The following RSBN1L variants were observed in gnomAD, a reference collection of about 807,000 sequenced individuals.
The protein encoded by RSBN1L is round spermatid basic protein 1 like.
RSBN1L carries 30 observed loss-of-function variants against 67.7 expected under a neutral mutation model. That is an observed-to-expected ratio of 0.44 (90% CI 0.33 to 0.60). The LOEUF (loss-of-function observed/expected upper bound fraction) is 0.60. Ranked by LOEUF, RSBN1L falls within the 20% of genes least tolerant of loss-of-function variation. RSBN1L has a pLI of 0.02. For missense variants in RSBN1L, 992 were observed against 1,031.7 expected, an observed-to-expected ratio of 0.96 and a Z score of 0.53; for synonymous variants, 433 against 387.0, an observed-to-expected ratio of 1.12 and a Z score of -1.39.
chr7:77,751,443 A>G (rs1239860141), intron 3 of RSBN1L, among the ~76,000 whole-genome samples: 1 of 152,162 alleles, frequency 6.6e-6, no homozygotes, highest in Non-Finnish European at 1.5e-5. Context: ...CCCGGCCTGG[A>G]AAATAATTTT....
At chr7:77,777,791 G>A (rs1791936395) in intron 6 of RSBN1L, among the ~76,000 whole-genome samples, 1 of 151,924 alleles carries the variant, frequency 6.6e-6, no homozygotes, top group Non-Finnish European at 1.5e-5. Flanking sequence ...AAGAATTTGA[G>A]AGTTTTTTAG....
At chr7:77,755,570 G>A (rs1791606213) in intron 3 of RSBN1L, among the ~76,000 whole-genome samples, 1 of 152,132 alleles carries the variant, frequency 6.6e-6, no homozygotes, top group Admixed American at 6.5e-5. Context: ...GGAGGCTGAG[G>A]CAGGAAGAAT....
At chr7:77,719,820 A>G (rs1028778113) in intron 1 of RSBN1L, among the ~76,000 whole-genome samples, 5 of 152,200 alleles carry the variant, frequency 3.3e-5, no homozygotes, top group Admixed American at 2.6e-4. Flanking sequence ...GTTGGAGTGC[A>G]GTGGTGTGAT....
chr7:77,721,338 T>C (rs948503330), intron 1 of RSBN1L, among the ~76,000 whole-genome samples: 2 of 152,134 alleles, frequency 1.3e-5, no homozygotes, highest in Non-Finnish European at 2.9e-5. Flanking sequence ...GAAACTTCAT[T>C]CACATTGAGC....
At chr7:77,733,990 G>A (rs1408377964) in intron 1 of RSBN1L, among the ~76,000 whole-genome samples, 3 of 152,308 alleles carry the variant, frequency 2.0e-5, no homozygotes, top group South Asian at 2.1e-4. Context: ...AGCCGAGTGC[G>A]ATGGCGTGTG....
At chr7:77,740,567 C>T (rs1791394916) in intron 2 of RSBN1L, among the ~76,000 whole-genome samples, 1 of 151,870 alleles carries the variant, frequency 6.6e-6, no homozygotes. Context: ...TACTTTTTTC[C>T]TATATGTAAT....
chr7:77,754,594 T>A (rs921779992), intron 3 of RSBN1L, among the ~76,000 whole-genome samples: 4 of 152,202 alleles, frequency 2.6e-5, no homozygotes, highest in African/African-American at 9.6e-5. Context: ...TTAACATTCA[T>A]CCTGAGAAAC....
In RSBN1L at chr7:77,696,508, C is replaced by G. The variant is rs762523862; in HGVS notation, c.39C>G (p.Ala13=). 5 of 1,613,406 alleles carry G rather than the reference C, an allele frequency of 3.1e-6. No individual in the cohort carries two copies. The highest frequency in any genetic ancestry group is 4.2e-6 in the Non-Finnish European group (5 of 1,179,806). ...CGAGCCCCGTGCACTGTGTCGCTGC[C>G]GCGGCCCCCACCGCCACCGTCTCGG... is the stretch of plus-strand genomic sequence containing the variant. ...EPPSPVHCVA[A]AAPTATVSEK... Residue 13 remains alanine (A), a synonymous_variant, in exon 1 of 8, where the codon GCC becomes GCG. Coordinates refer to ENST00000334955, the MANE Select transcript of RSBN1L (RefSeq NM_198467.3).
rs561292383 is a variant in RSBN1L, at chr7:77,782,043, G to A, written c.*2875G>A. 1.3e-4 allele frequency: 19 copies of A among 151,274 alleles called. No individual in the cohort carries two copies. The highest frequency in any genetic ancestry group is 2.1e-4 in the Non-Finnish European group (14 of 67,962). 9.4% of individuals were successfully genotyped at this position (151,274 alleles called of 1,614,324 possible). ...AAATCAGTGGGCTCAAGATTTGCAG[G>A]TACAGCCTTGTTAATGCCTTCAATA... On this transcript the variant is annotated 3_prime_UTR_variant, in exon 8 of 8. Coordinates refer to ENST00000334955, the MANE Select transcript of RSBN1L (RefSeq NM_198467.3).
chr7:77,742,180 A>AAACAC (rs1554340015), intron 2 of RSBN1L, among the ~76,000 whole-genome samples: 6 of 82,176 alleles, frequency 7.3e-5, no homozygotes, highest in African/African-American at 1.8e-4. Flanking sequence ...AAAAAAAAAA[A>AAACAC]ATACACACAC....
At chr7:77,756,501 G>A (rs1405822901) in intron 3 of RSBN1L, among the ~76,000 whole-genome samples, 1 of 152,128 alleles carries the variant, frequency 6.6e-6, no homozygotes, top group Admixed American at 6.6e-5. Context: ...TTATAGCTGG[G>A]TGTGGTGGCT....
At chr7:77,713,796 G>A (rs1170120677) in intron 1 of RSBN1L, among the ~76,000 whole-genome samples, 1 of 151,856 alleles carries the variant, frequency 6.6e-6, no homozygotes, top group Non-Finnish European at 1.5e-5. Flanking sequence ...GAGCCACCTC[G>A]CCTGGCTCTT....
chr7:77,770,035 G>A (rs1791825816), intron 5 of RSBN1L, among the ~76,000 whole-genome samples: 1 of 152,184 alleles, frequency 6.6e-6, no homozygotes, highest in South Asian at 2.1e-4. Context: ...CTGAATGCCT[G>A]TCAGTAGGGG....
chr7:77,774,274 A>G (rs1791883272), intron 6 of RSBN1L, among the ~76,000 whole-genome samples: 1 of 152,188 alleles, frequency 6.6e-6, no homozygotes, highest in East Asian at 1.9e-4. Flanking sequence ...AAATTGATAA[A>G]ACATATAAAG....
At chr7:77,742,180 A>AAAACACACAC (rs1554340015) in intron 2 of RSBN1L, among the ~76,000 whole-genome samples, 1 of 82,178 alleles carries the variant, frequency 1.2e-5, no homozygotes, top group Non-Finnish European at 2.3e-5. Context: ...AAAAAAAAAA[A>AAAACACACAC]ATACACACAC....
At chr7:77,736,183 G>C (rs1293724123) in intron 1 of RSBN1L, among the ~76,000 whole-genome samples, 1 of 151,940 alleles carries the variant, frequency 6.6e-6, no homozygotes, top group Non-Finnish European at 1.5e-5. Context: ...AGAATACTTA[G>C]AATAAAATGT....
intron 2 of RSBN1L, among the ~76,000 whole-genome samples, chr7:77,742,792 T>A (rs1209878517): frequency 6.6e-6 from 1 of 152,220 alleles, no homozygotes; most frequent in Non-Finnish European, 1.5e-5. Flanking sequence ...GTGAGCCGAT[T>A]GCACGATTGC....
At chr7:77,706,269 G>T (rs1198344807) in intron 1 of RSBN1L, among the ~76,000 whole-genome samples, 1 of 151,998 alleles carries the variant, frequency 6.6e-6, no homozygotes, top group Non-Finnish European at 1.5e-5. Flanking sequence ...GTAGAGATGG[G>T]GTTTCACCAT....
rs754182574 is a variant in RSBN1L, at chr7:77,779,144, A to T, written c.2517A>T (p.Lys839Asn). The change falls in exon 8 of 8, where the codon AAA (lysine) becomes AAT (asparagine). Residue 839 changes from lysine to asparagine, a missense_variant. This residue lies in a region of RSBN1L where 199 missense variants were observed against 167.7 expected (regional missense o/e 1.19). Transcript: ENST00000334955. ...GTTCAGCACATTCAAATCAAGATAA[A>T]AAAGACGATGACATTTTGTGCTAAA... ...QHSSAHSNQD[K>N]KDDDILC The T allele has an allele frequency of 5.7e-6, 9 of 1,584,828 alleles. No individual in the cohort carries two copies. In the Admixed American group the frequency reaches 1.7e-4, roughly 30 times the overall value.
Sources: gnomAD v4.1 joint callset for allele counts (sites outside exome capture counted in the v4.1 genomes callset) on GRCh38, gnomAD v4.1.1 for gene constraint, gnomAD v4.1.1 regional missense constraint, MANE v1.5 for transcripts, NCBI Gene and HGNC (gene_info 2026-07-23, HGNC 2026-07-21) for gene names.